The following GRID2 variants were observed in gnomAD, a reference collection of about 807,000 sequenced individuals.
GRID2 encodes the protein glutamate ionotropic receptor delta type subunit 2, also known as glutamate receptor ionotropic, delta-2.
In GRID2, 33 loss-of-function variants were observed where a neutral mutation model predicts 114.8. The observed-to-expected ratio is 0.29, with a 90% CI of 0.22 to 0.38. The LOEUF (loss-of-function observed/expected upper bound fraction) is 0.38. GRID2 is among the 10% of genes least tolerant of loss of function. GRID2 has a pLI of 1.00. For synonymous variants in GRID2, 505 were observed against 449.9 expected (o/e 1.12, Z -1.55); for missense variants, 1,184 against 1,257.7 (o/e 0.94, Z 0.89).
rs34215461 is a variant in GRID2 at position 93,131,145 on chromosome 4, A to ATTTTTTTTTTT, written c.735+20206_735+20216dup. Among the ~76,000 whole-genome samples the ATTTTTTTTTTT allele has an allele frequency of 5.6e-3, 496 of 88,698 alleles. 50 individuals carry two copies. Among genetic ancestry groups the ATTTTTTTTTTT allele is most frequent in the East Asian group, 0.021 (56 of 2,708 alleles). The allele number at this position is 88,698 out of a possible 152,430, so 58.2% of individuals were successfully genotyped here. A position where few individuals can be genotyped will look rare whatever the true frequency, so the allele number is the denominator to read the frequency against. On this transcript the variant is annotated intron_variant, in intron 4 of 15. Transcript: ENST00000282020. ...AGAACTTCCATGAAAAGATTAAATAATTTTTTTTTTTTTTTTTTTTTTTTG... is the reference window on the plus strand; with the variant it reads ...AGAACTTCCATGAAAAGATTAAATAATTTTTTTTTTTTTTTTTTTTTTTTTTTTTTTTTTTG...
chr4:93,725,104 G>A (rs568510120), intron 14 of GRID2, among the ~76,000 whole-genome samples: 2 of 152,024 alleles, frequency 1.3e-5, no homozygotes, highest in South Asian at 2.1e-4. Flanking sequence ...ATTTACATTA[G>A]GTATATCTCC....
At chr4:93,119,602 T>A (rs1432292307) in intron 4 of GRID2, among the ~76,000 whole-genome samples, 1 of 152,178 alleles carries the variant, frequency 6.6e-6, no homozygotes, top group Non-Finnish European at 1.5e-5. Context: ...TATTTCACAG[T>A]AAGAAAAGGT....
intron 2 of GRID2, among the ~76,000 whole-genome samples, chr4:92,625,426 G>A (rs1730471018): frequency 6.6e-6 from 1 of 151,674 alleles, no homozygotes; most frequent in African/African-American, 2.4e-5. Context: ...GATAATTAGA[G>A]GCAAAAGTAG....
At chr4:93,546,362 T>G (rs1271864505) in intron 13 of GRID2, among the ~76,000 whole-genome samples, 1 of 152,192 alleles carries the variant, frequency 6.6e-6, no homozygotes, top group East Asian at 1.9e-4. Context: ...CAGCCATATT[T>G]GTGGATGAGA....
chr4:93,158,713 G>C (rs1436050967), intron 4 of GRID2, among the ~76,000 whole-genome samples: 1 of 151,698 alleles, frequency 6.6e-6, no homozygotes, highest in Non-Finnish European at 1.5e-5. Flanking sequence ...GCAATTATTT[G>C]AACTCCAGCT....
intron 13 of GRID2, among the ~76,000 whole-genome samples, chr4:93,591,906 C>G (rs891305049): frequency 6.6e-6 from 1 of 151,766 alleles, no homozygotes; most frequent in Non-Finnish European, 1.5e-5. Context: ...GGTGATATCC[C>G]CTTTATCATT....
At chr4:93,192,245 G>T (rs11930057) in intron 4 of GRID2, among the ~76,000 whole-genome samples, 13,312 of 152,110 alleles carry the variant, frequency 0.088, 662 homozygotes, top group East Asian at 0.16. Flanking sequence ...ACACCTCACC[G>T]AAAGAACTTG....
intron 4 of GRID2, chr4:93,164,676 T>C: frequency 2.4e-6 from 1 of 413,410 alleles, no homozygotes; most frequent in South Asian, 1.7e-5. Context: ...GTTTGAGGAA[T>C]CTAGCTTTGG....
chr4:93,483,229 A>G (rs1412487228), intron 11 of GRID2, among the ~76,000 whole-genome samples: 2 of 152,030 alleles, frequency 1.3e-5, no homozygotes, highest in Non-Finnish European at 2.9e-5. Context: ...TTAATTGATC[A>G]GCTTACATGA....
At chr4:93,359,672 C>T (rs1023226169) in intron 8 of GRID2, among the ~76,000 whole-genome samples, 4 of 149,484 alleles carry the variant, frequency 2.7e-5, no homozygotes, top group Non-Finnish European at 5.9e-5. Flanking sequence ...TGATGTTTAT[C>T]TTTCTGCGCC....
At chr4:92,599,846 G>A (rs986069954) in intron 2 of GRID2, among the ~76,000 whole-genome samples, 6 of 151,734 alleles carry the variant, frequency 4.0e-5, no homozygotes, top group Admixed American at 3.9e-4. Flanking sequence ...CCAACACGGT[G>A]AAACCCCGTC....
chr4:93,302,413 C>A (rs1314112751), intron 8 of GRID2, among the ~76,000 whole-genome samples: 1 of 152,206 alleles, frequency 6.6e-6, no homozygotes, highest in East Asian at 1.9e-4. Context: ...ATGAATACAG[C>A]AGCCAGGGGT....
At chr4:92,946,498 C>CCA (rs1453595596) in intron 2 of GRID2, among the ~76,000 whole-genome samples, 47 of 152,150 alleles carry the variant, frequency 3.1e-4, no homozygotes, top group Admixed American at 1.0e-3. Context: ...TCTTCCCCCC[C>CCA]AAAATTATAT....
At chr4:92,643,699 A>T (rs1731474040) in intron 2 of GRID2, among the ~76,000 whole-genome samples, 1 of 151,750 alleles carries the variant, frequency 6.6e-6, no homozygotes, top group Non-Finnish European at 1.5e-5. Context: ...CCCTGGCCTG[A>T]AGTGATACCT....
At chr4:92,770,086 G>A (rs1738466758) in intron 2 of GRID2, among the ~76,000 whole-genome samples, 1 of 152,282 alleles carries the variant, frequency 6.6e-6, no homozygotes, top group Non-Finnish European at 1.5e-5. Flanking sequence ...CAGCACTCAA[G>A]TCACCTCTTG....
At chr4:93,147,196 G>A (rs1736344944) in intron 4 of GRID2, among the ~76,000 whole-genome samples, 1 of 152,074 alleles carries the variant, frequency 6.6e-6, no homozygotes, top group African/African-American at 2.4e-5. Context: ...AAAGGTTACA[G>A]GCATTTATAT....
chr4:93,065,253 A>G (rs1728198788), intron 2 of GRID2, among the ~76,000 whole-genome samples: 1 of 151,896 alleles, frequency 6.6e-6, no homozygotes, highest in Non-Finnish European at 1.5e-5. Flanking sequence ...TATATTTAAA[A>G]GTTATCTCAT....
chr4:92,927,718 A>C (rs572975153), intron 2 of GRID2, among the ~76,000 whole-genome samples: 1 of 151,824 alleles, frequency 6.6e-6, no homozygotes, highest in Non-Finnish European at 1.5e-5. Flanking sequence ...GTGTGCATTT[A>C]ATTTTGAACA....
At chr4:92,652,605 C>T (rs1475216692) in intron 2 of GRID2, among the ~76,000 whole-genome samples, 1 of 133,306 alleles carries the variant, frequency 7.5e-6, no homozygotes, top group Admixed American at 7.4e-5. Context: ...TTGCTTGAGC[C>T]TGGAAAGTTG....
Sources: allele counts gnomAD v4.1 joint callset (sites outside exome capture counted in the v4.1 genomes callset), GRCh38; gene constraint gnomAD v4.1.1; transcripts MANE v1.5; gene names NCBI Gene and HGNC (gene_info 2026-07-23, HGNC 2026-07-21).